The following CADPS variants were observed in gnomAD, a reference collection of about 807,000 sequenced individuals.
CADPS encodes the protein calcium dependent secretion activator, also known as calcium-dependent secretion activator 1.
CADPS carries 57 observed loss-of-function variants against 167.3 expected under a neutral mutation model. The ratio of observed to expected loss-of-function variants is 0.34; its 90% CI spans 0.28 to 0.42. CADPS has a LOEUF of 0.42. Ranked by LOEUF, CADPS falls within the 20% of genes least tolerant of loss-of-function variation. The probability of loss-of-function intolerance (pLI) is 1.00; values close to 1 mark genes in which losing one functional copy is unlikely to be tolerated. For synonymous variants in CADPS, 676 were observed against 635.3 expected (o/e 1.06, Z -0.96); for missense variants, 1,414 against 1,738.1 (o/e 0.81, Z 3.32).
chr3:62,704,985 T>A (rs1183321776), intron 3 of CADPS, among the ~76,000 whole-genome samples: 1 of 152,088 alleles, frequency 6.6e-6, no homozygotes, highest in Non-Finnish European at 1.5e-5. Flanking sequence ...GGAACACCCC[T>A]CATCAGTGAA....
intron 1 of CADPS, among the ~76,000 whole-genome samples, chr3:62,856,648 A>C (rs2079741241): frequency 6.6e-6 from 1 of 152,002 alleles, no homozygotes; most frequent in Non-Finnish European, 1.5e-5. Context: ...AAATTAGATC[A>C]ATGGCTTTCT....
At chr3:62,513,762 AG>A in intron 16 of CADPS, 3 of 1,142,518 alleles carry the variant, frequency 2.6e-6, no homozygotes, top group South Asian at 1.3e-5. Flanking sequence ...AAGAGGTTAA[AG>A]GTCATAGGTT....
intron 3 of CADPS, among the ~76,000 whole-genome samples, chr3:62,713,397 C>T (rs964098780): frequency 8.5e-5 from 13 of 152,166 alleles, no homozygotes; most frequent in Admixed American, 7.8e-4. Context: ...AAGACATGCC[C>T]ACCAAGGCCT....
intron 2 of CADPS, among the ~76,000 whole-genome samples, chr3:62,760,149 A>T (rs1418819353): frequency 6.6e-6 from 1 of 151,990 alleles, no homozygotes; most frequent in Non-Finnish European, 1.5e-5. Flanking sequence ...CTCTTCTTCT[A>T]TTTCTATGCA....
At chr3:62,550,712 C>A (rs1055387985) in intron 10 of CADPS, 2 of 437,370 alleles carry the variant, frequency 4.6e-6, no homozygotes, top group Admixed American at 4.8e-5. Context: ...TGCCTTACAA[C>A]CCCTCCAATC....
At chr3:62,736,991 T>C (rs1183492294) in intron 3 of CADPS, among the ~76,000 whole-genome samples, 1 of 151,380 alleles carries the variant, frequency 6.6e-6, no homozygotes, top group African/African-American at 2.4e-5. Flanking sequence ...CAAAAAAAAT[T>C]AGCTGGGCAT....
rs1293977732 is a variant in CADPS, at chr3:62,433,186, C to G, written c.3777+4918G>C. ...AATAAGGTTGTTAAAATAAGGGTAT[C>G]TGTGGTTTCATATATAAATATAGCA... On this transcript the variant is annotated intron_variant, in intron 28 of 29. Transcript: ENST00000383710. This position sits in a 1 kb window ranked among gnomAD's most constrained non-coding sequence, Gnocchi z 4.7. Among the ~76,000 whole-genome samples, 1 of 152,124 alleles carries G rather than the reference C, an allele frequency of 6.6e-6. No individual in the cohort carries two copies. The highest frequency in any genetic ancestry group is 1.5e-5 in the Non-Finnish European group (1 of 68,022).
chr3:62,745,379 TATGTATTG>T (rs2081242050), intron 3 of CADPS, among the ~76,000 whole-genome samples: 1 of 152,190 alleles, frequency 6.6e-6, no homozygotes, highest in Admixed American at 6.5e-5. Flanking sequence ...GGCCAGTATA[TATGTATTG>T]ATGTATTTTC....
chr3:62,702,097 C>T (rs368248894), intron 3 of CADPS, among the ~76,000 whole-genome samples: 116 of 152,202 alleles, frequency 7.6e-4, no homozygotes, highest in African/African-American at 2.7e-3. Flanking sequence ...ACCATATCCT[C>T]GCCTTTTCCC....
At chr3:62,641,580 C>G (rs1045337260) in intron 6 of CADPS, among the ~76,000 whole-genome samples, 4 of 152,166 alleles carry the variant, frequency 2.6e-5, no homozygotes, top group African/African-American at 7.2e-5. Context: ...GATCTAATGG[C>G]AGGATTTCAA....
chr3:62,832,244 T>G (rs2075220315), intron 1 of CADPS, among the ~76,000 whole-genome samples: 1 of 152,190 alleles, frequency 6.6e-6, no homozygotes, highest in Non-Finnish European at 1.5e-5. Context: ...TTAAAAATAC[T>G]CCAGGTGATC....
intron 1 of CADPS, among the ~76,000 whole-genome samples, chr3:62,824,640 ATTTTCT>A (rs2073693840): frequency 6.6e-6 from 1 of 152,120 alleles, no homozygotes; most frequent in African/African-American, 2.4e-5. Flanking sequence ...ATTTTGAGTA[ATTTTCT>A]TTATATTGCT....
rs552190051 is a variant in CADPS, at chr3:62,671,148, G to A, written c.889-8754C>T. ...AACAGCAGAGGCTTGTTATGAAAAC[G>A]AAAGAAGATGGTACTCATAAAGCAC... On this transcript the variant is annotated intron_variant, in intron 3 of 29. Transcript: ENST00000383710. 1.0e-3 allele frequency among the ~76,000 whole-genome samples: 157 copies of A among 152,272 alleles called. 2 individuals are homozygous for A. Among genetic ancestry groups the A allele is most frequent in the African/African-American group, 3.7e-3 (155 of 41,568 alleles).
chr3:62,519,906 C>T (rs1271571446), intron 13 of CADPS, among the ~76,000 whole-genome samples: 1 of 152,146 alleles, frequency 6.6e-6, no homozygotes, highest in Non-Finnish European at 1.5e-5. Context: ...GTATATGCTA[C>T]AACCTACAAC....
chr3:62,591,535 T>C (rs1336230305), intron 7 of CADPS, among the ~76,000 whole-genome samples: 3 of 152,040 alleles, frequency 2.0e-5, no homozygotes, highest in South Asian at 2.1e-4. Context: ...TGCTGGGGTA[T>C]AGTAGGCGGG....
intron 26 of CADPS, among the ~76,000 whole-genome samples, chr3:62,451,148 C>T (rs898807301): frequency 2.0e-5 from 3 of 151,948 alleles, no homozygotes; most frequent in African/African-American, 7.3e-5. Flanking sequence ...GCTTGAATGT[C>T]CCAGCTAATT....
At chr3:62,864,888 A>G (rs945343945) in intron 1 of CADPS, among the ~76,000 whole-genome samples, 1 of 152,162 alleles carries the variant, frequency 6.6e-6, no homozygotes, top group African/African-American at 2.4e-5. Flanking sequence ...TCTCAACCAG[A>G]TTGCTAGGTT....
At position 62,603,715 on chromosome 3, in the gene CADPS, A is replaced by G. The variant is rs2060291443; in HGVS notation, c.1326-10967T>C. Reference sequence around the variant, plus strand: ...GCTTATATTACCCACCTCTTCTTGCACTTTTTCCATTAGAACTCTAAGCAT... The same window carrying G: ...GCTTATATTACCCACCTCTTCTTGCGCTTTTTCCATTAGAACTCTAAGCAT... On this transcript the variant is annotated intron_variant, in intron 6 of 29. Transcript: ENST00000383710. Among the ~76,000 whole-genome samples, 4 of 152,108 alleles carry G rather than the reference A, an allele frequency of 2.6e-5. No individual in the cohort carries two copies. The South Asian group carries it at 8.3e-4, about 32-fold the overall frequency.
intron 28 of CADPS, among the ~76,000 whole-genome samples, chr3:62,415,811 G>GTAGC: frequency 2.0e-5 from 3 of 152,298 alleles, no homozygotes; most frequent in Middle Eastern, 6.8e-3. Flanking sequence ...TATTGTTGGG[G>GTAGC]TAGCGGATGG....
Sources: allele counts gnomAD v4.1 joint callset (sites outside exome capture counted in the v4.1 genomes callset), GRCh38; gene constraint gnomAD v4.1.1; non-coding constraint Gnocchi (gnomAD v3.1); transcripts MANE v1.5; gene names NCBI Gene and HGNC (gene_info 2026-07-23, HGNC 2026-07-21).